Variants in SNUPN observed in about 807,000 individuals in gnomAD.
SNUPN encodes the protein snurportin-1.
A neutral mutation model predicts 39.2 loss-of-function variants in SNUPN; 31 were observed. The observed-to-expected ratio is 0.79, with a 90% CI of 0.59 to 1.07. The LOEUF is 1.07. Ranked by LOEUF, SNUPN falls within the 50% of genes least tolerant of loss-of-function variation. The probability of loss-of-function intolerance (pLI) is 0.00; values close to 1 mark genes in which losing one functional copy is unlikely to be tolerated. For missense variants in SNUPN, 382 were observed against 434.2 expected (o/e 0.88, Z 1.07); for synonymous variants, 132 against 159.0 (o/e 0.83, Z 1.28).
intron 1 of SNUPN, among the ~76,000 whole-genome samples, chr15:75,623,302 G>T: frequency 7.2e-6 from 1 of 138,154 alleles, no homozygotes; most frequent in South Asian, 2.3e-4. Context: ...CCGCCACCAC[G>T]CCCGGCTAAT....
rs971116882 is a variant in SNUPN at position 75,611,442 on chromosome 15, C to T, written c.304-1448G>A. 5.3e-5 allele frequency among the ~76,000 whole-genome samples: 8 copies of T among 151,386 alleles called. No individual in the cohort carries two copies. The East Asian group carries it at 6.2e-4, about 12-fold the overall frequency. ...TAATTTTTTGTATTTTTAGTAGAGA[C>T]GGGGTTTCACCGTGTTAGCCAGGAT... On this transcript the variant is annotated intron_variant, in intron 3 of 8. Coordinates refer to ENST00000308588, the MANE Select transcript of SNUPN (RefSeq NM_005701.4).
chr15:75,609,870 G>T lies in SNUPN; in HGVS notation c.408+20C>A. 1.3e-6 allele frequency: 2 copies of T among 1,579,254 alleles called. No individual in the cohort carries two copies. Among genetic ancestry groups the T allele is most frequent in the Non-Finnish European group, 8.7e-7 (1 of 1,148,594 alleles). On this transcript the variant is annotated intron_variant, in intron 4 of 8. Transcript: ENST00000308588. ...ACTACAGACCAGGCCTACTGGCATAGGGGGCAGGCAGCTACTCACCCTGGA... is the reference window on the plus strand; with the variant it reads ...ACTACAGACCAGGCCTACTGGCATATGGGGCAGGCAGCTACTCACCCTGGA...
chr15:75,603,484 A>G (rs2075306852), intron 7 of SNUPN, among the ~76,000 whole-genome samples: 1 of 141,446 alleles, frequency 7.1e-6, no homozygotes, highest in African/African-American at 2.6e-5. Flanking sequence ...ACACAGTGAA[A>G]CCCCGTCTCT....
intron 7 of SNUPN, among the ~76,000 whole-genome samples, chr15:75,603,112 G>A (rs1188846973): frequency 6.7e-6 from 1 of 149,394 alleles, no homozygotes; most frequent in African/African-American, 2.5e-5. Context: ...GCAGTGGCAC[G>A]ATCTCGGCTA....
chr15:75,608,388 A>G (rs887830504), intron 5 of SNUPN, among the ~76,000 whole-genome samples: 7 of 152,276 alleles, frequency 4.6e-5, no homozygotes, highest in Middle Eastern at 3.4e-3. Flanking sequence ...GTCAAAAAAT[A>G]AAAAAGAGAA....
At chr15:75,606,196 T>C (rs981449349) in intron 6 of SNUPN, among the ~76,000 whole-genome samples, 1 of 152,086 alleles carries the variant, frequency 6.6e-6, no homozygotes, top group African/African-American at 2.4e-5. Flanking sequence ...GGACGTGTTG[T>C]AAGGGATTTA....
In SNUPN at chr15:75,625,107, T is replaced by C. The variant is rs536696400; in HGVS notation, c.-6+559A>G. 2.0e-3 allele frequency: 331 copies of C among 162,782 alleles called. 3 individuals carry two copies. Among genetic ancestry groups the C allele is most frequent in the African/African-American group, 7.6e-3 (319 of 41,928 alleles). 10.1% of individuals were successfully genotyped at this position (162,782 alleles called of 1,614,324 possible). On this transcript the variant is annotated intron_variant, in intron 1 of 8. Coordinates refer to ENST00000308588, the MANE Select transcript of SNUPN (RefSeq NM_005701.4). The stretch of plus-strand genomic sequence containing the variant: ...CTGCTGTTTCAACCCATTCCTTGGA[T>C]GGTGCTGCCTCCAAGTGTTCGGACC...
At chr15:75,602,969 G>A (rs942748367) in intron 7 of SNUPN, among the ~76,000 whole-genome samples, 3 of 151,910 alleles carry the variant, frequency 2.0e-5, no homozygotes, top group Admixed American at 1.3e-4. Flanking sequence ...AGGCTGCTCC[G>A]AACTACTGAG....
At chr15:75,623,381 C>T (rs895790414) in intron 1 of SNUPN, among the ~76,000 whole-genome samples, 40 of 151,446 alleles carry the variant, frequency 2.6e-4, no homozygotes, top group African/African-American at 9.5e-4. Context: ...GATCTCCCGA[C>T]CTCCTGATCT....
chr15:75,611,532 A>G (rs577777338), intron 3 of SNUPN, among the ~76,000 whole-genome samples: 16 of 151,270 alleles, frequency 1.1e-4, no homozygotes, highest in Admixed American at 2.0e-4. Context: ...GATTACAGGC[A>G]TGAGCCACCA....
rs553794833 is a variant in SNUPN at position 75,607,716 on chromosome 15, G to A, written c.503-403C>T. The stretch of plus-strand genomic sequence containing the variant: ...ACTATAAATATTCCCTGCCTTTAAG[G>A]AAGTTACCATTTGGTTAAGGGGATA... On this transcript the variant is annotated intron_variant, in intron 5 of 8. Coordinates refer to ENST00000308588, the MANE Select transcript of SNUPN (RefSeq NM_005701.4). Among the ~76,000 whole-genome samples, 23 of 152,282 alleles carry A rather than the reference G, an allele frequency of 1.5e-4. No homozygotes were observed. In the East Asian group the frequency reaches 2.7e-3, roughly 18 times the overall value.
intron 7 of SNUPN, among the ~76,000 whole-genome samples, chr15:75,602,400 C>G (rs534445286): frequency 6.6e-6 from 1 of 151,020 alleles, no homozygotes; most frequent in South Asian, 2.1e-4. Context: ...GTGGTACATG[C>G]CAGTAGTCCC....
At chr15:75,600,280 GTT>G (rs1312224462) in intron 8 of SNUPN, among the ~76,000 whole-genome samples, 1 of 140,810 alleles carries the variant, frequency 7.1e-6, no homozygotes. Context: ...TTTGTTTTTT[GTT>G]TTTTTTTTTT....
intron 5 of SNUPN, among the ~76,000 whole-genome samples, chr15:75,609,291 G>A (rs979925961): frequency 4.3e-5 from 6 of 140,640 alleles, no homozygotes; most frequent in East Asian, 2.4e-4. Flanking sequence ...CTGGGTTCAC[G>A]CCATTCTCCT....
chr15:75,600,092 T>C (rs1339269745), intron 8 of SNUPN, among the ~76,000 whole-genome samples: 2 of 151,698 alleles, frequency 1.3e-5, no homozygotes, highest in South Asian at 4.2e-4. Context: ...GTGATCCAAC[T>C]GCCTCGACCT....
intron 3 of SNUPN, among the ~76,000 whole-genome samples, chr15:75,613,510 G>A (rs1354562301): frequency 6.6e-6 from 1 of 151,514 alleles, no homozygotes; most frequent in African/African-American, 2.4e-5. Flanking sequence ...GGAAGTGGTG[G>A]CGGGTGCCTG....
At position 75,609,964 on chromosome 15, in the gene SNUPN, G is replaced by A; in HGVS notation, c.334C>T (p.Pro112Ser). Residue 112 changes from proline (P) to serine (S), a missense_variant, in exon 4 of 9, where the codon CCT becomes TCT. Coordinates refer to ENST00000308588, the MANE Select transcript of SNUPN (RefSeq NM_005701.4). ...ATCCATTCCTGCCCCAAATCTGAAG[G>A]AACGTCAATTAACCACTCAGAAAGC... The part of the protein sequence containing the change: ...LMLSEWLIDV[P>S]SDLGQEWIVV... 1 of 1,614,070 alleles carries A rather than the reference G, an allele frequency of 6.2e-7. No individual in the cohort carries two copies. Among genetic ancestry groups the A allele is most frequent in the East Asian group, 2.2e-5 (1 of 44,886 alleles).
intron 2 of SNUPN, 109 bp downstream of exon 2, chr15:75,620,785 C>T: frequency 2.0e-6 from 2 of 994,360 alleles, no homozygotes; most frequent in Non-Finnish European, 3.0e-6. Context: ...GATCAGCCTA[C>T]AAAGAGTCTA....
At position 75,620,841 on chromosome 15, in the gene SNUPN, G is replaced by A; in HGVS notation, c.158+53C>T. ...GAGACAAGCCTAGAGCCTTCGGAAT[G>A]GTTCATAGCTCCTAGCCCAGAGAAA... is the stretch of plus-strand genomic sequence containing the variant. On this transcript the variant is annotated intron_variant, in intron 2 of 8. Transcript: ENST00000308588. The A allele has an allele frequency of 2.0e-6, 3 of 1,515,324 alleles. No homozygotes were observed. The Admixed American group carries it at 5.7e-5, about 29-fold the overall frequency. The allele number at this position is 1,515,324 out of a possible 1,614,324, so 93.9% of individuals were successfully genotyped here.
Sources: gnomAD v4.1 joint callset for allele counts (sites outside exome capture counted in the v4.1 genomes callset) on GRCh38, gnomAD v4.1.1 for gene constraint, MANE v1.5 for transcripts, NCBI Gene and HGNC (gene_info 2026-07-23, HGNC 2026-07-21) for gene names.